Variants in STK38 observed in about 807,000 individuals in gnomAD.
STK38 encodes the protein serine/threonine kinase 38.
STK38 carries 26 observed loss-of-function variants against 59.0 expected under a neutral mutation model. The observed-to-expected ratio is 0.44, with a 90% confidence interval of 0.32 to 0.61. The LOEUF (loss-of-function observed/expected upper bound fraction) is 0.61, where lower values mean the gene tolerates loss of function less well. STK38 is among the 20% of genes least tolerant of loss of function. The pLI is 0.04. For missense variants in STK38, 433 were observed against 566.0 expected (o/e 0.76, Z 2.38); for synonymous variants, 175 against 176.6 (o/e 0.99, Z 0.07).
chr6:36,539,627 A>G (rs1163285541), intron 2 of STK38, among the ~76,000 whole-genome samples: 2 of 152,118 alleles, frequency 1.3e-5, no homozygotes, highest in African/African-American at 2.4e-5. Context: ...AACTTATTAG[A>G]GCTTCATACA....
intron 2 of STK38, among the ~76,000 whole-genome samples, chr6:36,536,309 T>C (rs533471065): frequency 1.1e-4 from 16 of 152,224 alleles, no homozygotes; most frequent in African/African-American, 3.9e-4. Flanking sequence ...CAGAACTAAA[T>C]GTAAAAACTA....
chr6:36,536,448 C>T (rs1777792767), intron 2 of STK38, among the ~76,000 whole-genome samples: 1 of 152,154 alleles, frequency 6.6e-6, no homozygotes, highest in Non-Finnish European at 1.5e-5. Flanking sequence ...GGGAGGACTA[C>T]TTGAGGACAG....
chr6:36,515,290 G>C, intron 7 of STK38, 48 bp downstream of exon 7: 1 of 1,597,570 alleles, frequency 6.3e-7, no homozygotes. Flanking sequence ...AGCAGAGGCT[G>C]CTCAGATCAG....
chr6:36,507,695 C>T, intron 7 of STK38, 93 bp from the exon 8 acceptor site: 1 of 841,446 alleles, frequency 1.2e-6, no homozygotes, highest in Non-Finnish European at 1.9e-6. Flanking sequence ...CATTATAGCT[C>T]TACAGCCAAA....
At chr6:36,524,598 T>A (rs3752478) in intron 3 of STK38, 135 bp from the exon 4 acceptor site, 1 of 877,174 alleles carries the variant, frequency 1.1e-6, no homozygotes, top group Non-Finnish European at 1.7e-6. Context: ...ACATATGAAA[T>A]CACCCCAGAA....
At chr6:36,502,529 C>G (rs546325965) in intron 9 of STK38, among the ~76,000 whole-genome samples, 1 of 152,110 alleles carries the variant, frequency 6.6e-6, no homozygotes, top group East Asian at 1.9e-4. Context: ...TATCTTCTCC[C>G]AGATTGACGC....
chr6:36,518,601 C>T (rs1030228425), intron 5 of STK38, among the ~76,000 whole-genome samples: 8 of 152,230 alleles, frequency 5.3e-5, no homozygotes, highest in African/African-American at 1.7e-4. Context: ...TCTGTCACTC[C>T]GGCTAGAGTG....
intron 1 of STK38, among the ~76,000 whole-genome samples, chr6:36,543,090 AGTCTCGCTCT>A (rs1206846437): frequency 6.6e-6 from 1 of 151,676 alleles, no homozygotes; most frequent in African/African-American, 2.4e-5. Flanking sequence ...TTTGAGACGA[AGTCTCGCTCT>A]GTCGCCCAGG....
At chr6:36,513,774 T>TG (rs1708130800) in intron 7 of STK38, among the ~76,000 whole-genome samples, 1 of 139,182 alleles carries the variant, frequency 7.2e-6, no homozygotes, top group Non-Finnish European at 1.5e-5. Context: ...GAGGCTGAGG[T>TG]GGGAGGATCA....
rs1231388076 is a variant in STK38, at chr6:36,493,979, CAA to C, written c.*1803_*1804del. The C allele has an allele frequency of 6.6e-6, 1 of 152,260 alleles. No homozygotes were observed. The highest frequency in any genetic ancestry group is 1.5e-5 in the Non-Finnish European group (1 of 68,054). 9.4% of individuals were successfully genotyped at this position (152,260 alleles called of 1,614,324 possible). A position where few individuals can be genotyped will look rare whatever the true frequency, so the allele number is the denominator to read the frequency against. The stretch of plus-strand genomic sequence containing the variant: ...AATCATCCCCTGCCACTCCCCAACA[CAA>C]AGACTCTCCCAACACCGCAGTTCCT... On this transcript the variant is annotated 3_prime_UTR_variant, in exon 14 of 14. Transcript: ENST00000229812.
intron 1 of STK38, among the ~76,000 whole-genome samples, chr6:36,542,601 G>A (rs1339264655): frequency 5.3e-5 from 8 of 152,240 alleles, no homozygotes; most frequent in South Asian, 2.1e-4. Flanking sequence ...CCGAGATAGC[G>A]CCACTGCACT....
chr6:36,513,346 C>T (rs1341466208), intron 7 of STK38, among the ~76,000 whole-genome samples: 15 of 130,324 alleles, frequency 1.2e-4, no homozygotes, highest in African/African-American at 4.1e-4. Context: ...GAAGGAGTCT[C>T]GCTCTGTCAC....
chr6:36,496,462 A>G (rs12200397), intron 13 of STK38, among the ~76,000 whole-genome samples: 3,896 of 152,286 alleles, frequency 0.026, 102 homozygotes, highest in Non-Finnish European at 0.04. Flanking sequence ...CACTTAGTAA[A>G]TAACAAAAGA....
chr6:36,494,132 A>G lies in STK38; in HGVS notation c.*1652T>C, dbSNP rs924900647. The G allele has an allele frequency of 6.6e-5, 10 of 152,278 alleles. No homozygotes were observed. Among genetic ancestry groups the G allele is most frequent in the Non-Finnish European group, 5.9e-5 (4 of 68,046 alleles). 9.4% of individuals were successfully genotyped at this position (152,278 alleles called of 1,614,324 possible). On this transcript the variant is annotated 3_prime_UTR_variant, in exon 14 of 14. Transcript: ENST00000229812. ...TCTCATTTACTTCCTTTTCACTAGC[A>G]GGCTATGAATGAAAGACTGAGAGGC...
chr6:36,530,036 T>G (rs1032707275), intron 2 of STK38, among the ~76,000 whole-genome samples: 3 of 151,866 alleles, frequency 2.0e-5, no homozygotes, highest in South Asian at 2.1e-4. Flanking sequence ...AGGCCAGGAG[T>G]TGGACACCAG....
Position 36,495,710 on chromosome 6 carries a change from T to C in STK38, c.*74A>G. On this transcript the variant is annotated 3_prime_UTR_variant, in exon 14 of 14. Transcript: ENST00000229812. Reference sequence around the variant, plus strand: ...GGTTCCATCAACTTCTTGGAAGCTCTTCAAGAGTGTGAGAGGAAAAGCATG... The same window carrying C: ...GGTTCCATCAACTTCTTGGAAGCTCCTCAAGAGTGTGAGAGGAAAAGCATG... 6.3e-7 allele frequency: 1 copy of C among 1,595,624 alleles called. No individual in the cohort carries two copies. The highest frequency in any genetic ancestry group is 8.6e-7 in the Non-Finnish European group (1 of 1,168,082).
At chr6:36,502,369 T>G (rs1216066060) in intron 9 of STK38, among the ~76,000 whole-genome samples, 1 of 152,200 alleles carries the variant, frequency 6.6e-6, no homozygotes, top group Non-Finnish European at 1.5e-5. Flanking sequence ...CATATTTTAA[T>G]TAGCCATCCA....
chr6:36,533,408 G>C (rs1323583173), intron 2 of STK38, among the ~76,000 whole-genome samples: 1 of 152,096 alleles, frequency 6.6e-6, no homozygotes, highest in Non-Finnish European at 1.5e-5. Flanking sequence ...TCTGTCTTTT[G>C]ATTAATTTGG....
chr6:36,509,837 T>G (rs1777063579), intron 7 of STK38, among the ~76,000 whole-genome samples: 1 of 152,142 alleles, frequency 6.6e-6, no homozygotes, highest in South Asian at 2.1e-4. Flanking sequence ...AGTTTGGACC[T>G]GGCACCCATC....
Sources: gnomAD v4.1 joint callset for allele counts (sites outside exome capture counted in the v4.1 genomes callset) on GRCh38, gnomAD v4.1.1 for gene constraint, MANE v1.5 for transcripts, NCBI Gene and HGNC (gene_info 2026-07-23, HGNC 2026-07-21) for gene names.